Variants in SETDB1 observed in about 807,000 individuals in gnomAD.
SETDB1 encodes histone-lysine N-methyltransferase SETDB1.
SETDB1 carries 31 observed loss-of-function variants against 137.4 expected under a neutral mutation model. That is an observed-to-expected ratio of 0.23 (90% CI 0.17 to 0.30). SETDB1 has a LOEUF of 0.30. Ranked by LOEUF, SETDB1 falls within the 10% of genes least tolerant of loss-of-function variation. The pLI, the probability that SETDB1 is intolerant of heterozygous loss-of-function variation, is 1.00. For missense variants in SETDB1, 1,113 were observed against 1,631.5 expected, an observed-to-expected ratio of 0.68 and a Z score of 5.47; for synonymous variants, 548 against 579.9, an observed-to-expected ratio of 0.95 and a Z score of 0.79.
chr1:150,963,219 A>T (rs868275137), intron 19 of SETDB1, 80 bp downstream of exon 19: 17 of 1,318,002 alleles, frequency 1.3e-5, no homozygotes, highest in Non-Finnish European at 1.5e-5. Context: ...GAAGCTAAAG[A>T]AGTAGTGGGT....
chr1:150,945,379 G>C, intron 9 of SETDB1: 1 of 1,142,852 alleles, frequency 8.8e-7, no homozygotes, highest in Non-Finnish European at 1.2e-6. Context: ...TTGTGTGTAG[G>C]TACAGAAAGG....
intron 15 of SETDB1, 84 bp from the exon 16 acceptor site, chr1:150,960,479 A>G (rs1358268809): frequency 2.3e-4 from 123 of 534,976 alleles, no homozygotes; most frequent in South Asian, 8.2e-4. Flanking sequence ...TCCATCTGGA[A>G]AAAAAAAAAA....
chr1:150,945,395 C>A, intron 9 of SETDB1: 1 of 959,770 alleles, frequency 1.0e-6, no homozygotes, highest in Non-Finnish European at 1.4e-6. Context: ...AAAGGGCAGC[C>A]AATTCCATTT....
rs75743857 is a variant in SETDB1, at chr1:150,962,697, C to T, written c.3272C>T (p.Ala1091Val). 8.5e-4 allele frequency: 1,366 copies of T among 1,614,178 alleles called. 45 individuals are homozygous for T. In the East Asian group the frequency reaches 0.02, roughly 24 times the overall value. ...ATGCATCAAAGCCGAAGACTCATGG[C>T]TTCTGCTCAGTCCAACCCTGATGTA... ...TSMHQSRRLM[A>V]SAQSNPDDVL... The change falls in exon 18 of 22, where the codon GCT (alanine) becomes GTT (valine). Residue 1091 changes from alanine to valine, a missense_variant. Physicochemically the swap from Ala to Val is moderately conservative, Grantham distance 64 (BLOSUM62 0). Around this residue, in one of 11 missense-constraint regions of SETDB1, gnomAD observed 373 missense variants for 412.7 expected, o/e 0.90. Transcript: ENST00000692827.
At chr1:150,933,769 TTTTC>T (rs1558012233) in intron 3 of SETDB1, among the ~76,000 whole-genome samples, 3 of 110,902 alleles carry the variant, frequency 2.7e-5, no homozygotes, top group African/African-American at 1.0e-4. Flanking sequence ...TTCTTTTTCT[TTTTC>T]TTTTTCTTTT....
chr1:150,952,950 G>C (rs947995674), intron 14 of SETDB1, among the ~76,000 whole-genome samples: 1 of 152,162 alleles, frequency 6.6e-6, no homozygotes, highest in Non-Finnish European at 1.5e-5. Flanking sequence ...GAAATGTCAA[G>C]AAGACACTGG....
intron 12 of SETDB1, among the ~76,000 whole-genome samples, chr1:150,949,729 T>C (rs1206500541): frequency 4.6e-5 from 7 of 152,192 alleles, no homozygotes; most frequent in Non-Finnish European, 2.9e-5. Flanking sequence ...CTTGGAAATA[T>C]GGTATCATCT....
chr1:150,928,024 T>C, intron 2 of SETDB1, 50 bp downstream of exon 2: 1 of 1,577,234 alleles, frequency 6.3e-7, no homozygotes, highest in Non-Finnish European at 8.7e-7. Flanking sequence ...GGGAGATGTT[T>C]TTAGAGAATA....
chr1:150,945,244 T>G (rs111508532), intron 9 of SETDB1, 136 bp downstream of exon 9: 12 of 1,478,160 alleles, frequency 8.1e-6, no homozygotes, highest in African/African-American at 5.7e-5. Flanking sequence ...CTGTTTTTGG[T>G]CAAATTTTAC....
intron 18 of SETDB1, 53 bp downstream of exon 18, chr1:150,962,772 C>CA: frequency 1.3e-6 from 2 of 1,586,888 alleles, no homozygotes; most frequent in Non-Finnish European, 1.7e-6. Flanking sequence ...GGGCCATTGT[C>CA]ACCTCATCAA....
intron 3 of SETDB1, among the ~76,000 whole-genome samples, chr1:150,932,517 A>G (rs1264352006): frequency 2.6e-5 from 4 of 152,206 alleles, no homozygotes; most frequent in Non-Finnish European, 5.9e-5. Flanking sequence ...TGAAAAAGTA[A>G]TAGAGTTCCT....
At chr1:150,936,590 C>G (rs1669951324) in intron 3 of SETDB1, among the ~76,000 whole-genome samples, 2 of 152,190 alleles carry the variant, frequency 1.3e-5, no homozygotes, top group Non-Finnish European at 2.9e-5. Context: ...TGCAAATATT[C>G]TTGTACATGT....
At chr1:150,929,791 A>G (rs1037809470) in intron 2 of SETDB1, among the ~76,000 whole-genome samples, 176 bp from the exon 3 acceptor site, 8 of 152,192 alleles carry the variant, frequency 5.3e-5, no homozygotes, top group Admixed American at 2.0e-4. Flanking sequence ...CTAAACCACT[A>G]TTTAAAACAT....
chr1:150,949,010 C>A lies in SETDB1; in HGVS notation c.1268-112C>A. ...CTGGGATTACAGGCAAGAGCCACTG[C>A]GCCCAGCCATTGCTTCCTTTTTATA... is the stretch of plus-strand genomic sequence containing the variant. On this transcript the variant is annotated intron_variant, in intron 10 of 21. Coordinates refer to ENST00000692827, the MANE Select transcript of SETDB1 (RefSeq NM_001366418.1). The A allele has an allele frequency of 2.7e-6, 3 of 1,105,934 alleles. No individual in the cohort carries two copies. In the South Asian group the frequency reaches 4.8e-5, roughly 18 times the overall value. The allele number at this position is 1,105,934 out of a possible 1,614,324, so 68.5% of individuals were successfully genotyped here. A position where few individuals can be genotyped will look rare whatever the true frequency, so the allele number is the denominator to read the frequency against.
At chr1:150,941,056 C>T (rs922990095) in intron 4 of SETDB1, among the ~76,000 whole-genome samples, 4 of 151,110 alleles carry the variant, frequency 2.6e-5, no homozygotes, top group South Asian at 2.1e-4. Flanking sequence ...CCAGCTACTC[C>T]GGAGGCTGAG....
In SETDB1 at chr1:150,963,129, G is replaced by A. The variant is rs755383271; in HGVS notation, c.3450G>A (p.Lys1150=). 11 of 1,611,866 alleles carry A rather than the reference G, an allele frequency of 6.8e-6. No individual in the cohort carries two copies. Among genetic ancestry groups the A allele is most frequent in the East Asian group, 2.2e-5 (1 of 44,844 alleles). The change falls in exon 19 of 22, where the codon AAG becomes AAA. Residue 1150 remains lysine (K), a synonymous_variant. Coordinates refer to ENST00000692827, the MANE Select transcript of SETDB1 (RefSeq NM_001366418.1). Reference sequence around the variant, plus strand: ...AAGGGGATGACTTTGAGGACAAGAAGAACATGACTGGTAGCCTGGAAAAAT... The same window carrying A: ...AAGGGGATGACTTTGAGGACAAGAAAAACATGACTGGTAGCCTGGAAAAAT... The part of the protein sequence containing the change: ...GSEGDDFEDK[K]NMTGPMKRQV...
chr1:150,945,354 T>C, intron 9 of SETDB1: 2 of 1,358,632 alleles, frequency 1.5e-6, no homozygotes, highest in African/African-American at 2.9e-5. Context: ...TTTTTTTTCT[T>C]TAGGAGTATT....
At chr1:150,956,957 A>T (rs1243861456) in intron 14 of SETDB1, among the ~76,000 whole-genome samples, 1 of 152,092 alleles carries the variant, frequency 6.6e-6, no homozygotes, top group Non-Finnish European at 1.5e-5. Flanking sequence ...TCTACAAAAA[A>T]AGTTTTAAAA....
At chr1:150,945,306 G>A (rs1670291767) in intron 9 of SETDB1, 198 bp downstream of exon 9, 5 of 1,437,466 alleles carry the variant, frequency 3.5e-6, no homozygotes, top group Admixed American at 5.8e-5. Flanking sequence ...TAAATTATCT[G>A]AATTATAATA....
Sources: gnomAD v4.1 joint callset for allele counts (sites outside exome capture counted in the v4.1 genomes callset) on GRCh38, gnomAD v4.1.1 for gene constraint, gnomAD v4.1.1 regional missense constraint, MANE v1.5 for transcripts, NCBI Gene and HGNC (gene_info 2026-07-23, HGNC 2026-07-21) for gene names.